The following TMEM117 variants were observed in gnomAD, a reference collection of about 807,000 sequenced individuals.
The protein encoded by TMEM117 is transmembrane protein 117.
Under a neutral mutation model 52.4 loss-of-function variants are expected in TMEM117, and 27 were observed. That is an observed-to-expected ratio of 0.51 (90% CI 0.38 to 0.71). TMEM117 has a LOEUF of 0.71. Ranked by LOEUF, TMEM117 falls within the 30% of genes least tolerant of loss-of-function variation. TMEM117 has a pLI of 0.00. For missense variants in TMEM117, 556 were observed against 630.5 expected (o/e 0.88, Z 1.26); for synonymous variants, 215 against 206.3 (o/e 1.04, Z -0.36).
chr12:44,308,415 G>A (rs1950930327), intron 6 of TMEM117, among the ~76,000 whole-genome samples: 1 of 152,098 alleles, frequency 6.6e-6, no homozygotes, highest in Non-Finnish European at 1.5e-5. Context: ...GGCCCTGGAA[G>A]TCTTGTGTAG....
intron 2 of TMEM117, among the ~76,000 whole-genome samples, chr12:43,901,675 T>G (rs1473944859): frequency 2.0e-5 from 3 of 152,230 alleles, no homozygotes; most frequent in Non-Finnish European, 4.4e-5. Flanking sequence ...GTGAAACTGC[T>G]AGTGTACACA....
intron 2 of TMEM117, among the ~76,000 whole-genome samples, chr12:43,885,623 T>A (rs1565734762): frequency 6.6e-6 from 1 of 152,130 alleles, no homozygotes; most frequent in East Asian, 1.9e-4. Flanking sequence ...TACTTTATTT[T>A]TTTTTTAATA....
the TMEM117 span, among the ~76,000 whole-genome samples, chr12:43,798,110 T>C: frequency 6.6e-6 from 1 of 152,128 alleles, no homozygotes; most frequent in Non-Finnish European, 1.5e-5. Flanking sequence ...GCACAATTTC[T>C]TTAGAGTGTC....
At chr12:44,205,414 T>C (rs1949551820) in intron 4 of TMEM117, among the ~76,000 whole-genome samples, 1 of 152,190 alleles carries the variant, frequency 6.6e-6, no homozygotes, top group African/African-American at 2.4e-5. Flanking sequence ...CCTCTTCCTT[T>C]ATAAATTACC....
chr12:44,209,242 A>G (rs982512675), intron 4 of TMEM117, among the ~76,000 whole-genome samples: 2 of 151,976 alleles, frequency 1.3e-5, no homozygotes, highest in African/African-American at 4.8e-5. Context: ...CTCTATTTTC[A>G]ACTTTATTCT....
chr12:44,262,340 T>A lies in TMEM117; in HGVS notation c.609-37240T>A, dbSNP rs144976041. ...TATAAATATAGCAAGAAAACTTTAT[T>A]TTCCCTTGGCAGAAAGTAGAAAACT... On this transcript the variant is annotated intron_variant, in intron 5 of 7. Coordinates refer to ENST00000266534, the MANE Select transcript of TMEM117 (RefSeq NM_032256.3). Among the ~76,000 whole-genome samples the A allele has an allele frequency of 9.8e-5, 15 of 152,310 alleles. No homozygotes were observed. The East Asian group carries it at 2.9e-3, about 29-fold the overall frequency.
chr12:44,184,926 T>C (rs371978021), intron 4 of TMEM117, among the ~76,000 whole-genome samples: 1 of 152,208 alleles, frequency 6.6e-6, no homozygotes, highest in Non-Finnish European at 1.5e-5. Flanking sequence ...CAAGTACTCG[T>C]ACCTTTTTGC....
At chr12:44,184,200 G>T (rs1028730474) in intron 4 of TMEM117, among the ~76,000 whole-genome samples, 1 of 152,016 alleles carries the variant, frequency 6.6e-6, no homozygotes, top group Admixed American at 6.6e-5. Context: ...ACAAAAATTA[G>T]CCCAGTGTGG....
chr12:43,969,508 T>TGA (rs1945545611), intron 3 of TMEM117, among the ~76,000 whole-genome samples: 1 of 150,290 alleles, frequency 6.7e-6, no homozygotes, highest in African/African-American at 2.4e-5. Context: ...GGCAACAGAG[T>TGA]GAGACTCTGT....
At chr12:43,882,232 G>A (rs1390792985) in intron 2 of TMEM117, among the ~76,000 whole-genome samples, 1 of 151,988 alleles carries the variant, frequency 6.6e-6, no homozygotes, top group Non-Finnish European at 1.5e-5. Flanking sequence ...GGCCAAGGCG[G>A]GCGGATCACC....
At chr12:43,852,711 G>A (rs1426617651) in intron 2 of TMEM117, among the ~76,000 whole-genome samples, 1 of 152,240 alleles carries the variant, frequency 6.6e-6, no homozygotes, top group East Asian at 1.9e-4. Flanking sequence ...TGACTGAATA[G>A]CTTTATCTGA....
chr12:44,300,447 T>TG (rs1950825406), intron 6 of TMEM117, among the ~76,000 whole-genome samples: 1 of 152,124 alleles, frequency 6.6e-6, no homozygotes, highest in Non-Finnish European at 1.5e-5. Flanking sequence ...ATAAGGCAAT[T>TG]TTTTTCCCTC....
At chr12:44,060,936 G>T (rs751463632) in intron 3 of TMEM117, among the ~76,000 whole-genome samples, 1 of 152,184 alleles carries the variant, frequency 6.6e-6, no homozygotes, top group Non-Finnish European at 1.5e-5. Context: ...AGTCATGTTT[G>T]GTGGGGGAGA....
At chr12:44,349,101 G>A (rs967438703) in intron 6 of TMEM117, among the ~76,000 whole-genome samples, 10 of 152,034 alleles carry the variant, frequency 6.6e-5, no homozygotes, top group African/African-American at 1.9e-4. Flanking sequence ...ACTGATACAG[G>A]AATTCAAACA....
intron 3 of TMEM117, among the ~76,000 whole-genome samples, chr12:44,027,950 A>C (rs942463380): frequency 1.3e-5 from 2 of 152,176 alleles, no homozygotes; most frequent in Admixed American, 1.3e-4. Context: ...TCACGCCTGT[A>C]ATCCCAGCAC....
intron 6 of TMEM117, among the ~76,000 whole-genome samples, chr12:44,331,986 T>G (rs140443500): frequency 0.012 from 1,899 of 152,204 alleles, 14 homozygotes; most frequent in Middle Eastern, 0.048. Context: ...TAATAATGTG[T>G]GAATGCCTAC....
intron 3 of TMEM117, among the ~76,000 whole-genome samples, chr12:43,956,000 C>T (rs1326360469): frequency 6.6e-6 from 1 of 152,104 alleles, no homozygotes; most frequent in African/African-American, 2.4e-5. Flanking sequence ...CATCTACAAC[C>T]ATCTGATCTT....
intron 5 of TMEM117, among the ~76,000 whole-genome samples, chr12:44,230,796 C>A (rs1010199836): frequency 6.6e-6 from 1 of 151,966 alleles, no homozygotes; most frequent in Non-Finnish European, 1.5e-5. Context: ...ACCTACAATT[C>A]TCTTTGACAT....
At chr12:44,366,865 A>T (rs1392025963) in intron 6 of TMEM117, among the ~76,000 whole-genome samples, 1 of 152,102 alleles carries the variant, frequency 6.6e-6, no homozygotes, top group East Asian at 1.9e-4. Context: ...GTTTTTTAGA[A>T]GAACAGCCAT....
Sources: gnomAD v4.1 joint callset for allele counts (sites outside exome capture counted in the v4.1 genomes callset) on GRCh38, gnomAD v4.1.1 for gene constraint, MANE v1.5 for transcripts, NCBI Gene and HGNC (gene_info 2026-07-23, HGNC 2026-07-21) for gene names.